The following MOK variants were observed in gnomAD, a reference collection of about 807,000 sequenced individuals.
MOK encodes the protein MOK protein kinase.
In MOK, 59 loss-of-function variants were observed where a neutral mutation model predicts 54.2. The ratio of observed to expected loss-of-function variants is 1.09; its 90% CI spans 0.88 to 1.35. The LOEUF (loss-of-function observed/expected upper bound fraction) is 1.35, where lower values mean the gene tolerates loss of function less well. MOK is among the 40% of genes most tolerant of loss of function. The probability of loss-of-function intolerance (pLI) is 0.00; values close to 1 mark genes in which losing one functional copy is unlikely to be tolerated. For missense variants in MOK, 517 were observed against 526.2 expected, an observed-to-expected ratio of 0.98 and a Z score of 0.17; for synonymous variants, 210 against 202.7, an observed-to-expected ratio of 1.04 and a Z score of -0.31.
downstream of MOK, among the ~76,000 whole-genome samples, chr14:102,227,736 C>A (rs953758197): frequency 8.5e-5 from 13 of 152,194 alleles, no homozygotes; most frequent in African/African-American, 3.1e-4. Context: ...CTCGCTGCCC[C>A]ACGCTCCCCG....
chr14:102,218,026 C>T, the MOK span, among the ~76,000 whole-genome samples: 3 of 152,226 alleles, frequency 2.0e-5, no homozygotes, highest in South Asian at 2.1e-4. Flanking sequence ...CTCCACAGCA[C>T]GCCGGCCAGC....
intron 7 of MOK, 58 bp downstream of exon 7, chr14:102,250,754 G>A (rs2066459481): frequency 2.0e-6 from 3 of 1,531,904 alleles, no homozygotes; most frequent in Non-Finnish European, 1.8e-6. Context: ...AGGAGCACGA[G>A]CCTGGCTGCT....
intron 2 of MOK, among the ~76,000 whole-genome samples, chr14:102,274,400 G>A (rs2068662401): frequency 6.6e-6 from 1 of 151,304 alleles, no homozygotes; most frequent in Non-Finnish European, 1.5e-5. Context: ...GACTACAGGT[G>A]TGTGACACTA....
At chr14:102,256,604 A>T (rs2066976720) in intron 4 of MOK, among the ~76,000 whole-genome samples, 1 of 151,898 alleles carries the variant, frequency 6.6e-6, no homozygotes, top group South Asian at 2.1e-4. Context: ...GTACAGACAG[A>T]GTCTTAGGCT....
chr14:102,259,978 G>T (rs139100526), intron 4 of MOK, among the ~76,000 whole-genome samples: 1,901 of 152,250 alleles, frequency 0.012, 101 homozygotes, highest in Admixed American at 0.094. Flanking sequence ...GGGAGTTCAA[G>T]ACCAGCCTGA....
Position 102,304,945 on chromosome 14 carries a change from TC to T in MOK, c.7+16del, listed in dbSNP as rs771443392. Reference sequence around the variant, plus strand: ...ACTCGCTCTCCAGTCCCTGCCCCTTTCCCCGGCCCCACTCACTCTTCATCTT... The same window carrying T: ...ACTCGCTCTCCAGTCCCTGCCCCTTTCCCGGCCCCACTCACTCTTCATCTT... On this transcript the variant is annotated intron_variant, in intron 1 of 11. Transcript: ENST00000361847. 6.2e-7 allele frequency: 1 copy of T among 1,604,762 alleles called. No individual in the cohort carries two copies.
intron 7 of MOK, among the ~76,000 whole-genome samples, chr14:102,234,665 C>T (rs1026766321): frequency 6.6e-6 from 1 of 152,146 alleles, no homozygotes; most frequent in Non-Finnish European, 1.5e-5. Flanking sequence ...TGGGTGCCTC[C>T]TACACAATCT....
chr14:102,271,888 TC>T (rs543466415), intron 2 of MOK, among the ~76,000 whole-genome samples: 8 of 151,984 alleles, frequency 5.3e-5, no homozygotes, highest in Admixed American at 3.9e-4. Context: ...TTTTTCTTTT[TC>T]TTTTTTTGAG....
At chr14:102,263,909 G>A in intron 3 of MOK, 1 of 255,094 alleles carries the variant, frequency 3.9e-6, no homozygotes, top group Non-Finnish European at 7.4e-6. Context: ...AGGTTGGGGA[G>A]TTGGGTAAGC....
intron 4 of MOK, among the ~76,000 whole-genome samples, chr14:102,262,577 C>T (rs968158634): frequency 1.1e-4 from 16 of 152,212 alleles, no homozygotes; most frequent in Admixed American, 9.2e-4. Context: ...TGATATAATG[C>T]TTTTTCCACT....
At chr14:102,216,276 A>G in the MOK span, among the ~76,000 whole-genome samples, 7 of 152,300 alleles carry the variant, frequency 4.6e-5, no homozygotes, top group East Asian at 9.7e-4. Flanking sequence ...CTGCCACAAG[A>G]GTGCACAGGG....
chr14:102,266,300 A>AC (rs1164257607), intron 2 of MOK, among the ~76,000 whole-genome samples: 1 of 150,142 alleles, frequency 6.7e-6, no homozygotes, highest in East Asian at 2.0e-4. Flanking sequence ...GAAAAGACCC[A>AC]CCCCTCCTTT....
the MOK span, among the ~76,000 whole-genome samples, chr14:102,218,532 G>A: frequency 3.3e-5 from 5 of 152,232 alleles, no homozygotes; most frequent in Non-Finnish European, 7.3e-5. Context: ...CTGCTTTATT[G>A]TAAATTGTTT....
chr14:102,269,085 G>A (rs2068142041), intron 2 of MOK, among the ~76,000 whole-genome samples: 1 of 151,872 alleles, frequency 6.6e-6, no homozygotes, highest in Non-Finnish European at 1.5e-5. Context: ...AAAATAGACT[G>A]CAAAATAAGG....
chr14:102,299,557 T>TA (rs953843596), intron 1 of MOK, among the ~76,000 whole-genome samples: 26 of 152,150 alleles, frequency 1.7e-4, no homozygotes, highest in African/African-American at 5.8e-4. Flanking sequence ...AGCAAACTGT[T>TA]ACCGTCTTCA....
intron 7 of MOK, among the ~76,000 whole-genome samples, chr14:102,237,828 G>A (rs1185837855): frequency 2.0e-5 from 3 of 152,108 alleles, no homozygotes; most frequent in Admixed American, 6.5e-5. Context: ...TAGCAGCAGC[G>A]GCCACTTTAG....
At chr14:102,217,343 G>A in the MOK span, among the ~76,000 whole-genome samples, 5 of 152,184 alleles carry the variant, frequency 3.3e-5, no homozygotes, top group Non-Finnish European at 5.9e-5. Flanking sequence ...CCTTCAGATC[G>A]CAGCGGAGCC....
intron 1 of MOK, among the ~76,000 whole-genome samples, chr14:102,295,214 A>G (rs1443499401): frequency 1.3e-5 from 2 of 152,216 alleles, no homozygotes; most frequent in Non-Finnish European, 2.9e-5. Flanking sequence ...AAACAAAAAG[A>G]AAAACAGACT....
chr14:102,281,498 CA>C (rs1184533713), intron 2 of MOK, among the ~76,000 whole-genome samples: 2,077 of 48,250 alleles, frequency 0.043, 10 homozygotes, highest in South Asian at 0.08. Flanking sequence ...GACCCTGACT[CA>C]AAAAAAAAAA....
Sources: allele counts gnomAD v4.1 joint callset (sites outside exome capture counted in the v4.1 genomes callset), GRCh38; gene constraint gnomAD v4.1.1; transcripts MANE v1.5; gene names NCBI Gene and HGNC (gene_info 2026-07-23, HGNC 2026-07-21).